The following EVI5 variants were observed in gnomAD, a reference collection of about 807,000 sequenced individuals.
The protein encoded by EVI5 is ecotropic viral integration site 5 protein homolog.
In EVI5, 73 loss-of-function variants were observed where a neutral mutation model predicts 112.0. The ratio of observed to expected loss-of-function variants is 0.65; its 90% CI spans 0.54 to 0.79. The LOEUF (loss-of-function observed/expected upper bound fraction) is 0.79, where lower values mean the gene tolerates loss of function less well. Ranked by LOEUF, EVI5 falls within the 30% of genes least tolerant of loss-of-function variation. The probability of loss-of-function intolerance (pLI) is 0.00; values close to 1 mark genes in which losing one functional copy is unlikely to be tolerated. For synonymous variants in EVI5, 305 were observed against 319.9 expected (o/e 0.95, Z 0.50); for missense variants, 900 against 968.8 (o/e 0.93, Z 0.94).
chr1:92,665,338 C>CA (rs1664718740), intron 11 of EVI5, among the ~76,000 whole-genome samples: 1 of 152,160 alleles, frequency 6.6e-6, no homozygotes, highest in South Asian at 2.1e-4. Flanking sequence ...TAAATGACTA[C>CA]AAAAGATTTT....
intron 19 of EVI5, among the ~76,000 whole-genome samples, chr1:92,529,144 T>C (rs1454121905): frequency 6.6e-6 from 1 of 152,220 alleles, no homozygotes; most frequent in African/African-American, 2.4e-5. Context: ...AACACTTTCC[T>C]GTTTAGTACA....
At chr1:92,676,519 T>C (rs1263713268) in intron 10 of EVI5, among the ~76,000 whole-genome samples, 2 of 152,160 alleles carry the variant, frequency 1.3e-5, no homozygotes, top group Admixed American at 6.6e-5. Context: ...AATATCAGCA[T>C]AAAAGGCAAC....
intron 2 of EVI5, among the ~76,000 whole-genome samples, chr1:92,707,179 CA>C (rs1299441165): frequency 2.3e-4 from 6 of 26,584 alleles, no homozygotes; most frequent in Non-Finnish European, 4.7e-4. Context: ...AACTCTGTCT[CA>C]AAAAAAAAAA....
intron 2 of EVI5, among the ~76,000 whole-genome samples, chr1:92,732,885 T>G (rs1044138391): frequency 4.2e-4 from 45 of 106,350 alleles, no homozygotes; most frequent in Admixed American, 1.3e-3. Context: ...GGGAGACATG[T>G]GAGACTCCAT....
chr1:92,719,972 T>C (rs1423019510), intron 2 of EVI5, among the ~76,000 whole-genome samples: 2 of 152,044 alleles, frequency 1.3e-5, no homozygotes, highest in Non-Finnish European at 2.9e-5. Flanking sequence ...TTACAAGGGA[T>C]GTGAAGGACC....
intron 18 of EVI5, among the ~76,000 whole-genome samples, chr1:92,569,583 C>T (rs572785181): frequency 1.4e-3 from 214 of 152,122 alleles, no homozygotes; most frequent in African/African-American, 5.1e-3. Context: ...GGGCCAGGCG[C>T]GGTGGCTCAT....
At chr1:92,789,745 C>T (rs1386007129), upstream of EVI5, among the ~76,000 whole-genome samples, 6 of 152,298 alleles carry the variant, frequency 3.9e-5, no homozygotes, top group Middle Eastern at 3.4e-3. Flanking sequence ...CCTGGAACAC[C>T]GTGCTCTAAA....
intron 13 of EVI5, among the ~76,000 whole-genome samples, chr1:92,658,925 C>A (rs1389510808): frequency 6.6e-6 from 1 of 152,060 alleles, no homozygotes. Flanking sequence ...GAAATAAAGT[C>A]ACATACCTAC....
intron 2 of EVI5, among the ~76,000 whole-genome samples, chr1:92,735,478 C>A (rs1677169228): frequency 6.6e-6 from 1 of 151,456 alleles, no homozygotes; most frequent in South Asian, 2.1e-4. Flanking sequence ...TAGTTGATTA[C>A]AACAATACAT....
intron 1 of EVI5, among the ~76,000 whole-genome samples, chr1:92,783,808 C>CAAAAAAAAAAAAAAAAAAAAAA (rs58484805): frequency 1.1e-5 from 1 of 94,304 alleles, no homozygotes; most frequent in African/African-American, 4.1e-5. Flanking sequence ...GACTCCCTGT[C>CAAAAAAAAAAAAAAAAAAAAAA]AAAAAAAAAA....
At chr1:92,714,650 T>C (rs1347772322) in intron 2 of EVI5, among the ~76,000 whole-genome samples, 1 of 152,202 alleles carries the variant, frequency 6.6e-6, no homozygotes, top group Non-Finnish European at 1.5e-5. Context: ...AGTATAGTAA[T>C]GTGATCAGAG....
At chr1:92,755,016 TTACAAG>T (rs1208091344) in intron 1 of EVI5, among the ~76,000 whole-genome samples, 7 of 151,384 alleles carry the variant, frequency 4.6e-5, no homozygotes, top group African/African-American at 1.5e-4. Context: ...GGGATTATGT[TTACAAG>T]TACATTTATA....
rs1677479790 is a variant in EVI5 at position 92,736,596 on chromosome 1, C to T, written c.-50G>A. 3 of 1,613,818 alleles carry T rather than the reference C, an allele frequency of 1.9e-6. No individual in the cohort carries two copies. Among genetic ancestry groups the T allele is most frequent in the Non-Finnish European group, 2.5e-6 (3 of 1,179,876 alleles). On this transcript the variant is annotated 5_prime_UTR_variant, in exon 2 of 20. Transcript: ENST00000684568. Reference sequence around the variant, plus strand: ...GTTCTTCACCCATGAGAGAGTAGAGCTCAGCTTTTCTGCAACTTTGTCTGT... The same window carrying T: ...GTTCTTCACCCATGAGAGAGTAGAGTTCAGCTTTTCTGCAACTTTGTCTGT...
intron 19 of EVI5, among the ~76,000 whole-genome samples, chr1:92,559,885 C>T (rs1398131672): frequency 6.7e-6 from 1 of 148,612 alleles, no homozygotes; most frequent in African/African-American, 2.5e-5. Context: ...AACATTTTCA[C>T]ATAGTACCTA....
chr1:92,602,900 A>G (rs941539801), intron 18 of EVI5, among the ~76,000 whole-genome samples: 1 of 152,220 alleles, frequency 6.6e-6, no homozygotes, highest in African/African-American at 2.4e-5. Flanking sequence ...CTATCAACAA[A>G]GAAAAGGCAA....
intron 1 of EVI5, among the ~76,000 whole-genome samples, chr1:92,757,467 T>C (rs1307939277): frequency 6.6e-6 from 1 of 152,108 alleles, no homozygotes; most frequent in East Asian, 1.9e-4. Context: ...AAGTTTAAAG[T>C]CATGAATTCC....
chr1:92,763,883 A>G (rs1215263930), intron 1 of EVI5, among the ~76,000 whole-genome samples: 1 of 152,220 alleles, frequency 6.6e-6, no homozygotes, highest in Non-Finnish European at 1.5e-5. Context: ...AGAAAAGAAG[A>G]GAAAATGAGA....
At chr1:92,781,668 G>T (rs539114128) in intron 1 of EVI5, among the ~76,000 whole-genome samples, 44 of 152,002 alleles carry the variant, frequency 2.9e-4, no homozygotes, top group African/African-American at 1.0e-3. Context: ...AGAATCTCAG[G>T]CTGGGTGCAG....
At chr1:92,789,998 A>G (rs1258527577), upstream of EVI5, among the ~76,000 whole-genome samples, 1 of 152,168 alleles carries the variant, frequency 6.6e-6, no homozygotes, top group African/African-American at 2.4e-5. Context: ...GATACTAGCA[A>G]CATGTGACTA....
Sources: gnomAD v4.1 joint callset for allele counts (sites outside exome capture counted in the v4.1 genomes callset) on GRCh38, gnomAD v4.1.1 for gene constraint, MANE v1.5 for transcripts, NCBI Gene and HGNC (gene_info 2026-07-23, HGNC 2026-07-21) for gene names.